Variants in MOXD1 observed in about 807,000 individuals in gnomAD.
MOXD1 encodes DBH-like monooxygenase protein 1.
In MOXD1, 62 loss-of-function variants were observed where a neutral mutation model predicts 66.6. The observed-to-expected ratio is 0.93, with a 90% confidence interval of 0.76 to 1.15. MOXD1 has a LOEUF of 1.15. Among genes scored for constraint, MOXD1 ranks in the 50% most tolerant of loss-of-function variants. The probability of loss-of-function intolerance (pLI) is 0.00; values close to 1 mark genes in which losing one functional copy is unlikely to be tolerated. For synonymous variants in MOXD1, 303 were observed against 281.9 expected, an observed-to-expected ratio of 1.07 and a Z score of -0.75; for missense variants, 847 against 754.6, an observed-to-expected ratio of 1.12 and a Z score of -1.44.
At chr6:132,363,963 G>A (rs1257671700) in intron 4 of MOXD1, among the ~76,000 whole-genome samples, 2 of 151,962 alleles carry the variant, frequency 1.3e-5, no homozygotes, top group African/African-American at 4.8e-5. Flanking sequence ...ATGTGCTAGT[G>A]CTATTCAATT....
intron 10 of MOXD1, among the ~76,000 whole-genome samples, chr6:132,303,355 T>C (rs1374574968): frequency 2.0e-5 from 3 of 151,864 alleles, no homozygotes; most frequent in Admixed American, 2.0e-4. Context: ...TTCTAACAAA[T>C]AATTAAAAAG....
In MOXD1 at chr6:132,370,833, C is replaced by A. The variant is rs544643697; in HGVS notation, c.663+1775G>T. On this transcript the variant is annotated intron_variant, in intron 4 of 11. Transcript: ENST00000367963. ...TCATGTGTCTGAGAATTACTTGATA[C>A]GCTTCTTATAGGAAAGTTTATCTGA... 4.6e-5 allele frequency among the ~76,000 whole-genome samples: 7 copies of A among 152,034 alleles called. No homozygotes were observed. The South Asian group carries it at 1.5e-3, about 32-fold the overall frequency.
intron 1 of MOXD1, among the ~76,000 whole-genome samples, chr6:132,393,466 C>T (rs984495420): frequency 5.9e-5 from 9 of 152,172 alleles, no homozygotes; most frequent in African/African-American, 2.2e-4. Context: ...AGCTGGGAGC[C>T]CGGAGAGGCT....
chr6:132,323,967 C>G lies in MOXD1; in HGVS notation c.1077G>C (p.Gln359His), dbSNP rs767915383. The G allele has an allele frequency of 1.9e-5, 31 of 1,613,638 alleles. No individual in the cohort carries two copies. The East Asian group carries it at 6.5e-4, about 34-fold the overall frequency. The change falls in exon 7 of 12, where the codon CAG becomes CAC. Residue 359 changes from glutamine to histidine, a missense_variant. Coordinates refer to ENST00000367963, the MANE Select transcript of MOXD1 (RefSeq NM_015529.4). ...HTIPPGMPEF[Q>H]SEGHCTLECL... Reference sequence around the variant, plus strand: ...ACTCCAAAGTGCAGTGACCCTCAGACTGGAACTCAGGCATCCCTGGAGGGA... The same window carrying G: ...ACTCCAAAGTGCAGTGACCCTCAGAGTGGAACTCAGGCATCCCTGGAGGGA...
At chr6:132,298,003 A>G in intron 10 of MOXD1, 48 bp from the exon 11 acceptor site, 1 of 1,503,874 alleles carries the variant, frequency 6.6e-7, no homozygotes, top group South Asian at 1.3e-5. Context: ...AATGCATTAC[A>G]TGTTTCCTTT....
intron 1 of MOXD1, among the ~76,000 whole-genome samples, chr6:132,397,360 T>C (rs1467972664): frequency 1.3e-5 from 2 of 152,220 alleles, no homozygotes; most frequent in Non-Finnish European, 2.9e-5. Flanking sequence ...ACTGGACCCA[T>C]TTCCTGGCAT....
intron 10 of MOXD1, among the ~76,000 whole-genome samples, chr6:132,311,843 T>C (rs143365578): frequency 1.3e-5 from 2 of 152,232 alleles, no homozygotes; most frequent in African/African-American, 4.8e-5. Flanking sequence ...AGGTGGTTGC[T>C]TTTGCCTTCT....
In MOXD1 at chr6:132,401,221, G is replaced by A; in HGVS notation, c.206C>T (p.Ala69Val). Residue 69 changes from alanine (A) to valine (V), a missense_variant, in exon 1 of 12, where the codon GCC (alanine) becomes GTC (valine). By Grantham distance (64) the Ala-to-Val change is moderately conservative. Transcript: ENST00000367963. ...CACGACGATGTCGGCGGACGCCATG[G>A]CCCCGGTGGGCGAGAAGCCGAAGCC... ...YVGFGFSPTG[A>V]MASADIVVGG... 1 of 1,573,986 alleles carries A rather than the reference G, an allele frequency of 6.4e-7. No homozygotes were observed. The highest frequency in any genetic ancestry group is 8.6e-7 in the Non-Finnish European group (1 of 1,168,276).
chr6:132,370,303 T>C lies in MOXD1; in HGVS notation c.663+2305A>G, dbSNP rs193127536. On this transcript the variant is annotated intron_variant, in intron 4 of 11. Transcript: ENST00000367963. ...AAATCAGACAACTTAAGGCAAGTCC[T>C]AGATTTATGAATTCTACATCATTAA... is the stretch of plus-strand genomic sequence containing the variant. Among the ~76,000 whole-genome samples the C allele has an allele frequency of 1.2e-4, 19 of 152,210 alleles. 1 individual carries two copies. Among genetic ancestry groups the C allele is most frequent in the African/African-American group, 3.4e-4 (14 of 41,544 alleles).
chr6:132,326,701 T>C (rs1775194546), intron 6 of MOXD1, among the ~76,000 whole-genome samples: 1 of 152,170 alleles, frequency 6.6e-6, no homozygotes, highest in Non-Finnish European at 1.5e-5. Flanking sequence ...ACTTTTAACA[T>C]AGATTCATGG....
At chr6:132,393,088 G>T (rs1776800481) in intron 1 of MOXD1, among the ~76,000 whole-genome samples, 1 of 152,050 alleles carries the variant, frequency 6.6e-6, no homozygotes, top group Non-Finnish European at 1.5e-5. Context: ...GGGTGGAGAG[G>T]GTATAGAATA....
intron 10 of MOXD1, among the ~76,000 whole-genome samples, chr6:132,311,826 G>A (rs536495415): frequency 7.9e-5 from 12 of 152,188 alleles, no homozygotes; most frequent in Non-Finnish European, 1.6e-4. Context: ...ATGTTGAGTA[G>A]AATTTGAGGT....
At chr6:132,305,094 G>T (rs564182984) in intron 10 of MOXD1, among the ~76,000 whole-genome samples, 5 of 152,166 alleles carry the variant, frequency 3.3e-5, no homozygotes, top group Non-Finnish European at 1.5e-5. Flanking sequence ...ACTAGGACTC[G>T]CAACTGCCTA....
chr6:132,353,125 A>G (rs995175319), intron 4 of MOXD1, among the ~76,000 whole-genome samples: 4 of 152,204 alleles, frequency 2.6e-5, no homozygotes, highest in African/African-American at 9.6e-5. Flanking sequence ...TGGAGCACTT[A>G]GGCGATTTAC....
At chr6:132,329,290 C>T (rs1028681760) in intron 4 of MOXD1, among the ~76,000 whole-genome samples, 2 of 152,074 alleles carry the variant, frequency 1.3e-5, no homozygotes, top group Non-Finnish European at 2.9e-5. Context: ...ACAAAGGACA[C>T]GAACACGAAC....
chr6:132,387,751 TAA>T (rs56728324), intron 1 of MOXD1, among the ~76,000 whole-genome samples: 45 of 69,526 alleles, frequency 6.5e-4, no homozygotes, highest in African/African-American at 1.3e-3. Context: ...AAACTCCATC[TAA>T]AAAAAAAAAA....
chr6:132,335,698 C>A (rs949879884), intron 4 of MOXD1, among the ~76,000 whole-genome samples: 2 of 152,170 alleles, frequency 1.3e-5, no homozygotes, highest in Non-Finnish European at 2.9e-5. Context: ...TTGAAGCTAT[C>A]CAGCTTGCAG....
intron 10 of MOXD1, among the ~76,000 whole-genome samples, chr6:132,302,570 G>A (rs968270352): frequency 1.3e-5 from 2 of 152,044 alleles, no homozygotes; most frequent in African/African-American, 4.8e-5. Flanking sequence ...CAGTAAATAA[G>A]TGAAGAGGCA....
intron 8 of MOXD1, among the ~76,000 whole-genome samples, chr6:132,322,106 A>G (rs926903519): frequency 1.3e-5 from 2 of 152,228 alleles, no homozygotes; most frequent in African/African-American, 4.8e-5. Flanking sequence ...TGGTCATGGA[A>G]TAAAAATTTG....
Sources: allele counts gnomAD v4.1 joint callset (sites outside exome capture counted in the v4.1 genomes callset), GRCh38; gene constraint gnomAD v4.1.1; transcripts MANE v1.5; gene names NCBI Gene and HGNC (gene_info 2026-07-23, HGNC 2026-07-21).